The following PLCB2 variants were observed in gnomAD, a reference collection of about 807,000 sequenced individuals.
PLCB2 encodes phospholipase C beta 2.
In PLCB2, 115 loss-of-function variants were observed where a neutral mutation model predicts 141.7. The observed-to-expected ratio is 0.81, with a 90% CI of 0.70 to 0.95. The LOEUF is 0.95. PLCB2 is among the 40% of genes least tolerant of loss of function. PLCB2 has a pLI of 0.00. For missense variants in PLCB2, 1,403 were observed against 1,541.1 expected (o/e 0.91, Z 1.50); for synonymous variants, 603 against 595.6 (o/e 1.01, Z -0.18).
At position 40,296,448 on chromosome 15, in the gene PLCB2, G is replaced by A. The variant is rs2040221866; in HGVS notation, c.1600-56C>T. The A allele has an allele frequency of 1.9e-6, 3 of 1,613,226 alleles. No individual in the cohort carries two copies. In the South Asian group the frequency reaches 3.3e-5, roughly 18 times the overall value. ...GAGGATGGTGCAGAGCCCAGGAATG[G>A]GGCCCAAGGCCCCCATCCAGGGGGC... is the stretch of plus-strand genomic sequence containing the variant. On this transcript the variant is annotated intron_variant, in intron 15 of 31. Transcript: ENST00000260402.
Position 40,302,477 on chromosome 15 carries a change from C to A in PLCB2, c.364G>T (p.Val122Leu), listed in dbSNP as rs760130831. 1.2e-6 allele frequency: 2 copies of A among 1,614,068 alleles called. No individual in the cohort carries two copies. The highest frequency in any genetic ancestry group is 3.3e-5 in the Admixed American group (2 of 60,010). ...AGTGCTCCCTGGCACACCTTGCCCACGTTCTCCTTGTAGGAGACGAAGTTG... is the reference window on the plus strand; with the variant it reads ...AGTGCTCCCTGGCACACCTTGCCCAAGTTCTCCTTGTAGGAGACGAAGTTG... The part of the protein sequence containing the change: ...FHNFVSYKEN[V>L]GKAWAEDVLA... The change falls in exon 4 of 32, where the codon GTG becomes TTG. Residue 122 changes from valine (V) to leucine (L), a missense_variant. By Grantham distance (32) the Val-to-Leu change is conservative (BLOSUM62 1). Transcript: ENST00000260402.
Position 40,288,816 on chromosome 15 carries a change from C to T in PLCB2, c.3457G>A (p.Glu1153Lys), listed in dbSNP as rs368250656. ...RACLRTCFPS[E>K]AKDKPERACE... is the part of the protein sequence containing the mutation. The stretch of plus-strand genomic sequence containing the variant: ...GCCCTCTCAGGCTTGTCCTTGGCCT[C>T]GGAGGGAAAGCAGGTCCTGAGGCAG... Residue 1153 changes from glutamate to lysine, a missense_variant, in exon 32 of 32, where the codon GAG (glutamate) becomes AAG (lysine). Glu to Lys is a moderately conservative substitution (Grantham distance 56, BLOSUM62 1). This residue lies in a region of PLCB2 where 132 missense variants were observed against 132.4 expected (regional missense o/e 1.00). Transcript: ENST00000260402. 24 of 1,613,834 alleles carry T rather than the reference C, an allele frequency of 1.5e-5. No individual in the cohort carries two copies. The highest frequency in any genetic ancestry group is 1.9e-5 in the Non-Finnish European group (23 of 1,179,862).
In PLCB2 at chr15:40,307,657, G is replaced by T; in HGVS notation, c.16C>A (p.Pro6Thr). 6.4e-7 allele frequency: 1 copy of T among 1,571,714 alleles called. No homozygotes were observed. Among genetic ancestry groups the T allele is most frequent in the Non-Finnish European group, 8.6e-7 (1 of 1,156,636 alleles). ...TTCACCTTGGGGGGCAGCAGGACAG[G>T]GTTGAGCAGAGACATGGTGCCAAGC... MSLLNPVLLPPKVKAY... is the reference protein window; with the variant it reads MSLLNTVLLPPKVKAY... The change falls in exon 1 of 32, where the codon CCT (proline) becomes ACT (threonine). Residue 6 changes from proline to threonine, a missense_variant. Coordinates refer to ENST00000260402, the MANE Select transcript of PLCB2 (RefSeq NM_004573.3).
chr15:40,288,408 C>A lies in PLCB2; in HGVS notation c.*307G>T. 5.4e-6 allele frequency: 6 copies of A among 1,114,466 alleles called. No individual in the cohort carries two copies. Among genetic ancestry groups the A allele is most frequent in the Non-Finnish European group, 6.6e-6 (6 of 912,282 alleles). 69.0% of individuals were successfully genotyped at this position (1,114,466 alleles called of 1,614,324 possible). ...GAAAGGCAGAGTGGGGCCAGGATCC[C>A]ACTTTCTGCCTTCCAGTCCATAGTC... On this transcript the variant is annotated 3_prime_UTR_variant, in exon 32 of 32. Transcript: ENST00000260402.
At chr15:40,303,134 T>C (rs963387884) in intron 3 of PLCB2, among the ~76,000 whole-genome samples, 154 bp downstream of exon 3, 10 of 152,188 alleles carry the variant, frequency 6.6e-5, no homozygotes, top group African/African-American at 2.4e-4. Flanking sequence ...GCCGCTCCCC[T>C]TCCTTGGCTT....
At chr15:40,289,471 A>G (rs878985550) in intron 30 of PLCB2, 113 bp from the exon 31 acceptor site, 3 of 769,018 alleles carry the variant, frequency 3.9e-6, no homozygotes, top group South Asian at 2.9e-5. Context: ...ATTCCTTAAC[A>G]TTAGGTAGTT....
Position 40,294,616 on chromosome 15 carries a change from C to A in PLCB2, c.1907-196G>T, listed in dbSNP as rs2040106151. Among the ~76,000 whole-genome samples, 1 of 152,190 alleles carries A rather than the reference C, an allele frequency of 6.6e-6. No individual in the cohort carries two copies. The highest frequency in any genetic ancestry group is 6.5e-5 in the Admixed American group (1 of 15,290). On this transcript the variant is annotated intron_variant, in intron 18 of 31. Transcript: ENST00000260402. ...GGCAGGGTCCACAGCCTGGAGGCAG[C>A]AAGGAGGAAAGCCACAGCCAGGCTG...
chr15:40,306,096 C>T (rs2040782205), intron 1 of PLCB2, among the ~76,000 whole-genome samples: 2 of 152,176 alleles, frequency 1.3e-5, no homozygotes, highest in African/African-American at 4.8e-5. Context: ...GGGAGAGCTT[C>T]TCCTACCAAA....
At chr15:40,299,581 C>T (rs1023948002) in intron 7 of PLCB2, among the ~76,000 whole-genome samples, 1 of 152,024 alleles carries the variant, frequency 6.6e-6, no homozygotes, top group Non-Finnish European at 1.5e-5. Flanking sequence ...CAAAAAGAAG[C>T]AATTTGAATA....
At chr15:40,306,742 C>A (rs1041276095) in intron 1 of PLCB2, among the ~76,000 whole-genome samples, 1 of 152,208 alleles carries the variant, frequency 6.6e-6, no homozygotes, top group Non-Finnish European at 1.5e-5. Flanking sequence ...CCCTCCCCCA[C>A]CAAGCCTTCA....
At chr15:40,305,005 G>A (rs2040721358) in intron 1 of PLCB2, among the ~76,000 whole-genome samples, 1 of 152,180 alleles carries the variant, frequency 6.6e-6, no homozygotes, top group Non-Finnish European at 1.5e-5. Flanking sequence ...TCAGATCAGA[G>A]GTGGTTAGAG....
At chr15:40,301,406 T>C (rs982618593) in intron 7 of PLCB2, 6 of 607,886 alleles carry the variant, frequency 9.9e-6, no homozygotes, top group Non-Finnish European at 1.8e-5. Flanking sequence ...AGTTGCTTCA[T>C]GGGGTGACCC....
rs375710431 is a variant in PLCB2 at position 40,304,343 on chromosome 15, T to C, written c.85-265A>G. Among the ~76,000 whole-genome samples, 15 of 152,186 alleles carry C rather than the reference T, an allele frequency of 9.9e-5. No homozygotes were observed. In the East Asian group the frequency reaches 2.7e-3, roughly 27 times the overall value. On this transcript the variant is annotated intron_variant, in intron 1 of 31. Transcript: ENST00000260402. ...AAAGAGGATCTTGGCCCCTACCTCA[T>C]CTCATAGAGCGAGACTCCCTACTGC...
In PLCB2 at chr15:40,291,318, C is replaced by A; in HGVS notation, c.2817G>T (p.Val939=). Residue 939 remains valine, a synonymous_variant, in exon 26 of 32, where the codon GTG becomes GTT. Coordinates refer to ENST00000260402, the MANE Select transcript of PLCB2 (RefSeq NM_004573.3). ...CGAGCTTGCAGGCCCCGACGCCCCC[C>A]ACGCCCGGTGGCCCGAGCTCCGCCA... The part of the protein sequence containing the change: ...AQLAELGPPG[V]GGVGACKLGP... 1 of 1,542,522 alleles carries A rather than the reference C, an allele frequency of 6.5e-7. No individual in the cohort carries two copies. Among genetic ancestry groups the A allele is most frequent in the South Asian group, 1.2e-5 (1 of 84,612 alleles).
intron 3 of PLCB2, among the ~76,000 whole-genome samples, 186 bp from the exon 4 acceptor site, chr15:40,302,795 G>A (rs922620294): frequency 1.3e-5 from 2 of 152,232 alleles, no homozygotes; most frequent in African/African-American, 4.8e-5. Context: ...GGGAAGGAGA[G>A]GCCCTGAGGA....
Position 40,291,253 on chromosome 15 carries a change from C to A in PLCB2, c.2870+12G>T, listed in dbSNP as rs2039897393. On this transcript the variant is annotated intron_variant, in intron 26 of 31. Transcript: ENST00000260402. ...CGCGCTGCAGAGGGCAGGGCACCGC[C>A]ACGAGCCTTACCTCTTCTTGCGAGA... The A allele has an allele frequency of 1.9e-6, 3 of 1,573,778 alleles. No individual in the cohort carries two copies. The highest frequency in any genetic ancestry group is 1.3e-5 in the African/African-American group (1 of 74,238).
rs763741274 is a variant in PLCB2, at chr15:40,288,683, T to A, written c.*32A>T. The A allele has an allele frequency of 2.6e-6, 4 of 1,540,224 alleles. No individual in the cohort carries two copies. The highest frequency in any genetic ancestry group is 2.6e-6 in the Non-Finnish European group (3 of 1,138,798). ...CACATCCCAGAGAAGGGGCTGAACC[T>A]CCTTGCTAAATGTCCCAGTGGGATG... On this transcript the variant is annotated 3_prime_UTR_variant, in exon 32 of 32. Coordinates refer to ENST00000260402, the MANE Select transcript of PLCB2 (RefSeq NM_004573.3).
chr15:40,290,746 G>A lies in PLCB2; in HGVS notation c.3113+15C>T, dbSNP rs1471740537. The A allele has an allele frequency of 6.2e-7, 1 of 1,613,218 alleles. No homozygotes were observed. Among genetic ancestry groups the A allele is most frequent in the African/African-American group, 1.3e-5 (1 of 74,992 alleles). On this transcript the variant is annotated intron_variant, in intron 28 of 31. Coordinates refer to ENST00000260402, the MANE Select transcript of PLCB2 (RefSeq NM_004573.3). ...GCTGGGAGGCGAAGCAGGTGTGGGA[G>A]GGAGGCAGTCGTACTTCTCCGACGT...
At position 40,299,170 on chromosome 15, in the gene PLCB2, C is replaced by A. The variant is rs142931657; in HGVS notation, c.641G>T (p.Ser214Ile). The change falls in exon 8 of 32, where the codon AGC becomes ATC. Residue 214 changes from serine to isoleucine, a missense_variant. Around this residue, in one of 4 missense-constraint regions of PLCB2, gnomAD observed 975 missense variants for 1,141.1 expected, o/e 0.85. Coordinates refer to ENST00000260402, the MANE Select transcript of PLCB2 (RefSeq NM_004573.3). ...ATCTATTTCTGGCCGAGGACAGAGG[C>A]TCATGAGGAAACTCTTGTAGACAGG... ...PEPVYKSFLM[S>I]LCPRPEIDEI... 4 of 1,613,964 alleles carry A rather than the reference C, an allele frequency of 2.5e-6. No individual in the cohort carries two copies. Among genetic ancestry groups the A allele is most frequent in the Middle Eastern group, 1.6e-4 (1 of 6,062 alleles).
Sources: allele counts gnomAD v4.1 joint callset (sites outside exome capture counted in the v4.1 genomes callset), GRCh38; gene constraint gnomAD v4.1.1; regional missense constraint gnomAD v4.1.1; transcripts MANE v1.5; gene names NCBI Gene and HGNC (gene_info 2026-07-23, HGNC 2026-07-21).